The following FBN1 variants were observed in gnomAD, a reference collection of about 807,000 sequenced individuals.
FBN1 encodes the protein fibrillin 1.
Under a neutral mutation model 365.1 loss-of-function variants are expected in FBN1, and 29 were observed. That is an observed-to-expected ratio of 0.08 (90% CI 0.06 to 0.11). The LOEUF is 0.11. Among genes scored for constraint, FBN1 ranks in the 10% least tolerant of loss-of-function variants. FBN1 has a pLI of 1.00. For missense variants in FBN1, 2,476 were observed against 3,703.2 expected, an observed-to-expected ratio of 0.67 and a Z score of 8.60; for synonymous variants, 1,210 against 1,270.5, an observed-to-expected ratio of 0.95 and a Z score of 1.01.
chr15:48,630,620 G>A (rs1889965842), intron 2 of FBN1, among the ~76,000 whole-genome samples: 1 of 150,042 alleles, frequency 6.7e-6, no homozygotes. Context: ...TTTATTTGAG[G>A]TTTATTTTTT....
intron 35 of FBN1, among the ~76,000 whole-genome samples, chr15:48,471,094 AATCT>A (rs2043371880): frequency 6.6e-6 from 1 of 150,674 alleles, no homozygotes; most frequent in African/African-American, 2.4e-5. Context: ...TTTTTTTTTT[AATCT>A]ATCTATGTAG....
intron 15 of FBN1, among the ~76,000 whole-genome samples, chr15:48,506,306 T>A (rs1328643280): frequency 6.6e-6 from 1 of 152,228 alleles, no homozygotes. Flanking sequence ...ATGGGACTAT[T>A]AACTTTCTCC....
intron 6 of FBN1, among the ~76,000 whole-genome samples, chr15:48,561,140 A>C (rs1326050708): frequency 6.6e-6 from 1 of 152,154 alleles, no homozygotes; most frequent in Non-Finnish European, 1.5e-5. Context: ...TAAAATAATG[A>C]GTATAAGTGC....
At chr15:48,448,745 A>T (rs1369556611) in intron 46 of FBN1, 23 bp downstream of exon 46, 24 of 1,608,422 alleles carry the variant, frequency 1.5e-5, no homozygotes, top group Non-Finnish European at 2.0e-5. Context: ...ATATGAAAAA[A>T]ATAATAATAA....
intron 14 of FBN1, among the ~76,000 whole-genome samples, chr15:48,509,718 TAC>T (rs2043742770): frequency 2.0e-5 from 3 of 151,802 alleles, no homozygotes; most frequent in Admixed American, 1.3e-4. Context: ...GGCTAGATAA[TAC>T]ACAGACTTAG....
intron 55 of FBN1, among the ~76,000 whole-genome samples, chr15:48,431,059 T>C (rs1298791273): frequency 6.6e-6 from 1 of 152,046 alleles, no homozygotes; most frequent in Admixed American, 6.6e-5. Flanking sequence ...ATCATGCCTT[T>C]TCTCTCTTCT....
In FBN1 at chr15:48,515,508, A is replaced by G; in HGVS notation, c.1347T>C (p.Val449=). The change falls in exon 12 of 66, where the codon GTT becomes GTC. Residue 449 remains valine (V), a synonymous_variant. Transcript: ENST00000316623. ...AGCGGACCAACTGGCAGTAATCAGT[A>G]ACGTTTACTGGCAGCACCCCTAGAA... ...REPPRVLPVN[V]TDYCQLVRYL... is the part of the protein sequence containing the mutation. 2 of 1,614,016 alleles carry G rather than the reference A, an allele frequency of 1.2e-6. No individual in the cohort carries two copies. Among genetic ancestry groups the G allele is most frequent in the Non-Finnish European group, 1.7e-6 (2 of 1,179,888 alleles).
rs750667880 is a variant in FBN1, at chr15:48,452,590, G to A, written c.5517C>T (p.Tyr1839=). 1.2e-5 allele frequency: 20 copies of A among 1,614,180 alleles called. No homozygotes were observed. The South Asian group carries it at 2.1e-4, about 17-fold the overall frequency. ...TGCACTGTCCTGTGGAGGTGAAGCGGTAGCCGGGCTTACAGTCACAGCGGT... is the reference window on the plus strand; with the variant it reads ...TGCACTGTCCTGTGGAGGTGAAGCGATAGCCGGGCTTACAGTCACAGCGGT... The part of the protein sequence containing the change: ...GSYRCDCKPG[Y]RFTSTGQCND... The change falls in exon 45 of 66, where the codon TAC becomes TAT. Residue 1839 remains tyrosine, a synonymous_variant. Coordinates refer to ENST00000316623, the MANE Select transcript of FBN1 (RefSeq NM_000138.5).
intron 5 of FBN1, among the ~76,000 whole-genome samples, chr15:48,599,182 A>G (rs1262355523): frequency 6.6e-6 from 1 of 152,198 alleles, no homozygotes; most frequent in Non-Finnish European, 1.5e-5. Flanking sequence ...ATTTTTGTTT[A>G]TTTATAATAA....
intron 32 of FBN1, among the ~76,000 whole-genome samples, chr15:48,475,707 C>T (rs2043413256): frequency 6.6e-6 from 1 of 152,158 alleles, no homozygotes; most frequent in African/African-American, 2.4e-5. Flanking sequence ...GCAAGTAATT[C>T]ATGTTTGCCT....
intron 6 of FBN1, among the ~76,000 whole-genome samples, chr15:48,587,957 T>C (rs917562704): frequency 3.3e-5 from 5 of 152,204 alleles, no homozygotes; most frequent in Non-Finnish European, 5.9e-5. Flanking sequence ...TTTTCAAATA[T>C]CAATGCAGCC....
At chr15:48,630,872 T>G (rs1889975901) in intron 2 of FBN1, among the ~76,000 whole-genome samples, 1 of 152,218 alleles carries the variant, frequency 6.6e-6, no homozygotes. Context: ...CATTAAGTAA[T>G]TTGAACATTT....
At chr15:48,482,471 T>C (rs912563598) in intron 31 of FBN1, among the ~76,000 whole-genome samples, 2 of 152,116 alleles carry the variant, frequency 1.3e-5, no homozygotes, top group South Asian at 2.1e-4. Flanking sequence ...CAGTGATCCC[T>C]GAGAGAAAGA....
intron 6 of FBN1, among the ~76,000 whole-genome samples, chr15:48,559,617 C>T (rs2044208859): frequency 6.6e-6 from 1 of 152,114 alleles, no homozygotes; most frequent in South Asian, 2.1e-4. Context: ...GTGTAAATTC[C>T]CCTCTCTTCC....
chr15:48,571,158 CA>C (rs2044303174), intron 6 of FBN1, among the ~76,000 whole-genome samples: 1 of 152,188 alleles, frequency 6.6e-6, no homozygotes, highest in Non-Finnish European at 1.5e-5. Flanking sequence ...AACATTTTAG[CA>C]ACACCCATCA....
intron 4 of FBN1, among the ~76,000 whole-genome samples, chr15:48,604,645 T>C (rs1405093224): frequency 1.3e-5 from 2 of 151,854 alleles, no homozygotes; most frequent in Non-Finnish European, 2.9e-5. Flanking sequence ...AAGGGTGGAG[T>C]AGAAAGCAAA....
Position 48,432,855 on chromosome 15 carries a change from C to G in FBN1, c.6739+11G>C, listed in dbSNP as rs757918461. On this transcript the variant is annotated intron_variant, in intron 55 of 65. Transcript: ENST00000316623. ...TTCCTGGCTTAGATGACCTTGAACA[C>G]GATGACTCACCTTTGCACATCCTAC... is the stretch of plus-strand genomic sequence containing the variant. 4.3e-6 allele frequency: 7 copies of G among 1,613,296 alleles called. No homozygotes were observed. Among genetic ancestry groups the G allele is most frequent in the Non-Finnish European group, 3.4e-6 (4 of 1,179,498 alleles).
Position 48,611,301 on chromosome 15 carries a change from C to T in FBN1, c.248-475G>A, listed in dbSNP as rs1474576996. On this transcript the variant is annotated intron_variant, in intron 3 of 65. Transcript: ENST00000316623. ...TTTGAGATGGAGTCTCGCTCTGTCACCCAGGCTGGAGTGCAGTGGCGCAAT... is the reference window on the plus strand; with the variant it reads ...TTTGAGATGGAGTCTCGCTCTGTCATCCAGGCTGGAGTGCAGTGGCGCAAT... Among the ~76,000 whole-genome samples, 4 of 152,122 alleles carry T rather than the reference C, an allele frequency of 2.6e-5. No individual in the cohort carries two copies. The East Asian group carries it at 5.8e-4, about 22-fold the overall frequency.
intron 6 of FBN1, among the ~76,000 whole-genome samples, chr15:48,558,209 C>T (rs924125836): frequency 7.2e-5 from 11 of 152,190 alleles, no homozygotes; most frequent in Non-Finnish European, 1.2e-4. Context: ...TTTCCTTCAG[C>T]CATTTCCTAT....
Sources: allele counts gnomAD v4.1 joint callset (sites outside exome capture counted in the v4.1 genomes callset), GRCh38; gene constraint gnomAD v4.1.1; transcripts MANE v1.5; gene names NCBI Gene and HGNC (gene_info 2026-07-23, HGNC 2026-07-21).